Variants in TNIK observed in about 807,000 individuals in gnomAD.
TNIK encodes the protein TRAF2 and NCK interacting kinase.
TNIK carries 49 observed loss-of-function variants against 191.3 expected under a neutral mutation model. The ratio of observed to expected loss-of-function variants is 0.26; its 90% CI spans 0.20 to 0.32. The LOEUF is 0.32. TNIK is among the 10% of genes least tolerant of loss of function. TNIK has a pLI of 1.00. For missense variants in TNIK, 1,155 were observed against 1,702.3 expected (o/e 0.68, Z 5.66); for synonymous variants, 594 against 600.9 (o/e 0.99, Z 0.17).
intron 2 of TNIK, among the ~76,000 whole-genome samples, chr3:171,268,608 C>G (rs971875688): frequency 2.6e-5 from 4 of 151,888 alleles, no homozygotes; most frequent in Admixed American, 6.6e-5. Flanking sequence ...TACCAGTCAT[C>G]CAAACCTGAG....
chr3:171,149,722 A>G (rs1038197610), intron 12 of TNIK, among the ~76,000 whole-genome samples: 2 of 152,198 alleles, frequency 1.3e-5, no homozygotes, highest in African/African-American at 4.8e-5. Flanking sequence ...CTGGACAATG[A>G]GCATCTGGTT....
At chr3:171,254,771 TAACAC>T (rs1447648864) in intron 2 of TNIK, among the ~76,000 whole-genome samples, 1 of 152,204 alleles carries the variant, frequency 6.6e-6, no homozygotes, top group Non-Finnish European at 1.5e-5. Context: ...TGTGGGCAGA[TAACAC>T]AATAGCGACT....
intron 3 of TNIK, among the ~76,000 whole-genome samples, chr3:171,224,622 T>A (rs1742757711): frequency 6.6e-6 from 1 of 152,070 alleles, no homozygotes; most frequent in Non-Finnish European, 1.5e-5. Flanking sequence ...ACCCCAGAAA[T>A]CCTGCAGCAG....
At chr3:171,247,826 G>T (rs141961880) in intron 2 of TNIK, among the ~76,000 whole-genome samples, 1 of 152,312 alleles carries the variant, frequency 6.6e-6, no homozygotes, top group East Asian at 1.9e-4. Context: ...TGGCAATTAT[G>T]AAGCCCCTGG....
chr3:171,118,492 G>A (rs1335914804), intron 18 of TNIK, among the ~76,000 whole-genome samples: 3 of 152,068 alleles, frequency 2.0e-5, no homozygotes, highest in African/African-American at 7.2e-5. Context: ...TCAATCCTAA[G>A]CCAAAAGAAC....
chr3:171,407,686 T>C (rs1359708109), intron 1 of TNIK, among the ~76,000 whole-genome samples: 1 of 152,194 alleles, frequency 6.6e-6, no homozygotes, highest in African/African-American at 2.4e-5. Context: ...AAAGTTTAAA[T>C]TTAATCTAAC....
intron 21 of TNIK, among the ~76,000 whole-genome samples, chr3:171,104,557 T>A (rs2108471759): frequency 6.7e-6 from 1 of 149,590 alleles, no homozygotes; most frequent in East Asian, 1.9e-4. Context: ...GTTTTTAGAA[T>A]CAACTAGATA....
chr3:171,222,769 A>C (rs557649726), intron 3 of TNIK, among the ~76,000 whole-genome samples: 1 of 152,310 alleles, frequency 6.6e-6, no homozygotes, highest in East Asian at 1.9e-4. Flanking sequence ...TCAGTAAGAC[A>C]GAAATAGGAA....
chr3:171,326,355 G>C (rs1323225446), intron 2 of TNIK, among the ~76,000 whole-genome samples: 2 of 151,910 alleles, frequency 1.3e-5, no homozygotes, highest in Non-Finnish European at 2.9e-5. Context: ...GAGTATTATA[G>C]ACAGACACAC....
chr3:171,384,668 G>C (rs1188061344), intron 1 of TNIK, among the ~76,000 whole-genome samples: 2 of 152,218 alleles, frequency 1.3e-5, no homozygotes, highest in African/African-American at 2.4e-5. Flanking sequence ...AAGTTGAACT[G>C]TTTGGTGTTT....
At chr3:171,244,413 A>G (rs929938755) in intron 2 of TNIK, among the ~76,000 whole-genome samples, 4 of 152,174 alleles carry the variant, frequency 2.6e-5, no homozygotes, top group African/African-American at 7.2e-5. Flanking sequence ...ACTATTCTCA[A>G]GAGAGAACTC....
At chr3:171,297,247 T>C (rs554412752) in intron 2 of TNIK, among the ~76,000 whole-genome samples, 1 of 152,238 alleles carries the variant, frequency 6.6e-6, no homozygotes, top group South Asian at 2.1e-4. Flanking sequence ...ACACAACTGT[T>C]TTCTCCCCCA....
At chr3:171,189,246 G>A (rs547495053) in intron 6 of TNIK, among the ~76,000 whole-genome samples, 2 of 152,322 alleles carry the variant, frequency 1.3e-5, no homozygotes, top group South Asian at 4.1e-4. Flanking sequence ...TGCAGCATGT[G>A]TTAGAATTTC....
chr3:171,242,668 A>G (rs148108679), intron 2 of TNIK, among the ~76,000 whole-genome samples: 1 of 152,328 alleles, frequency 6.6e-6, no homozygotes, highest in East Asian at 1.9e-4. Context: ...AGTCATTAAA[A>G]TATACCTCAT....
At chr3:171,318,670 T>C (rs6444978) in intron 2 of TNIK, among the ~76,000 whole-genome samples, 152,271 of 152,272 alleles carry the variant, frequency 1, 76,135 homozygotes, top group Middle Eastern at 1. Flanking sequence ...TTTGCCAAGA[T>C]ATCAAAATTT....
intron 28 of TNIK, among the ~76,000 whole-genome samples, chr3:171,077,664 C>G (rs1720142450): frequency 6.6e-6 from 1 of 152,140 alleles, no homozygotes; most frequent in Non-Finnish European, 1.5e-5. Flanking sequence ...CAGATTTGAA[C>G]TGGACTTAAA....
chr3:171,231,327 TTG>T (rs1491023525), intron 2 of TNIK, among the ~76,000 whole-genome samples: 1 of 152,068 alleles, frequency 6.6e-6, no homozygotes. Flanking sequence ...GTTTTTTTTT[TTG>T]TTTTTTTAAG....
At chr3:171,346,692 T>C (rs1712255885) in intron 2 of TNIK, among the ~76,000 whole-genome samples, 1 of 149,378 alleles carries the variant, frequency 6.7e-6, no homozygotes. Flanking sequence ...TGTGAGAAAG[T>C]GACATGGAGT....
At chr3:171,179,410 C>A (rs1267946737) in intron 7 of TNIK, among the ~76,000 whole-genome samples, 3 of 152,010 alleles carry the variant, frequency 2.0e-5, no homozygotes, top group Admixed American at 6.5e-5. Context: ...GGAGCAATAA[C>A]TGGTAAAGAC....
Sources: allele counts gnomAD v4.1 joint callset (sites outside exome capture counted in the v4.1 genomes callset), GRCh38; gene constraint gnomAD v4.1.1; transcripts MANE v1.5; gene names NCBI Gene and HGNC (gene_info 2026-07-23, HGNC 2026-07-21).